PCDHA6: variants seen among roughly 807,000 people sequenced by gnomAD.
PCDHA6 encodes the protein protocadherin alpha 6.
Under a neutral mutation model 60.3 loss-of-function variants are expected in PCDHA6, and 55 were observed. The ratio of observed to expected loss-of-function variants is 0.91; its 90% confidence interval spans 0.73 to 1.14. The LOEUF is 1.14. Among genes scored for constraint, PCDHA6 ranks in the 50% most tolerant of loss-of-function variants. The pLI is 0.00. For missense variants in PCDHA6, 1,327 were observed against 1,256.5 expected (o/e 1.06, Z -0.85); for synonymous variants, 652 against 557.9 (o/e 1.17, Z -2.38).
In PCDHA6 at chr5:140,856,944, G is replaced by C. The variant is rs1424566635; in HGVS notation, c.2394+26459G>C. Reference sequence around the variant, plus strand: ...AAATTTTGGATAAACGAAAGGACGGGAGAAATAAAAGTAAATGATGCTATT... The same window carrying C: ...AAATTTTGGATAAACGAAAGGACGGCAGAAATAAAAGTAAATGATGCTATT... On this transcript the variant is annotated intron_variant, in intron 1 of 3. Transcript: ENST00000529310. 8.8e-6 allele frequency: 14 copies of C among 1,593,558 alleles called. 1 individual carries two copies. The highest frequency in any genetic ancestry group is 1.3e-5 in the African/African-American group (1 of 74,212).
At chr5:140,922,858 G>C (rs1363202579) in intron 1 of PCDHA6, among the ~76,000 whole-genome samples, 1 of 152,124 alleles carries the variant, frequency 6.6e-6, no homozygotes, top group Non-Finnish European at 1.5e-5. Flanking sequence ...CAAATACATA[G>C]ACAAGGGGAA....
chr5:140,946,611 A>AATATATATATATATATATATATAT (rs1554217734), intron 1 of PCDHA6, among the ~76,000 whole-genome samples: 1,222 of 86,096 alleles, frequency 0.014, 42 homozygotes, highest in African/African-American at 0.029. Context: ...GAAAATGTGA[A>AATATATATATATATATATATATAT]ATATATATAT....
intron 1 of PCDHA6, chr5:140,842,710 C>A: frequency 1.3e-6 from 2 of 1,595,124 alleles, no homozygotes; most frequent in Non-Finnish European, 1.7e-6. Context: ...ACACGGTGTT[C>A]GTGAAGGAGA....
At chr5:140,959,826 T>C (rs2095512884) in intron 1 of PCDHA6, among the ~76,000 whole-genome samples, 1 of 152,224 alleles carries the variant, frequency 6.6e-6, no homozygotes, top group Non-Finnish European at 1.5e-5. Flanking sequence ...CACATGATAA[T>C]GTATTATGCC....
intron 1 of PCDHA6, chr5:140,862,228 T>C (rs1247109904): frequency 9.6e-6 from 2 of 209,024 alleles, no homozygotes; most frequent in Non-Finnish European, 1.9e-5. Flanking sequence ...ATAGAAGTCT[T>C]GGACATCAAT....
At chr5:140,971,977 G>A (rs891260348) in intron 1 of PCDHA6, among the ~76,000 whole-genome samples, 1 of 152,022 alleles carries the variant, frequency 6.6e-6, no homozygotes, top group Non-Finnish European at 1.5e-5. Context: ...AATACTATGA[G>A]TAGACAGAAG....
At chr5:140,863,181 C>T (rs782813569) in intron 1 of PCDHA6, 5 of 753,966 alleles carry the variant, frequency 6.6e-6, no homozygotes, top group Non-Finnish European at 1.1e-5. Flanking sequence ...CTGCCACCGT[C>T]ACCGTGGTGG....
intron 1 of PCDHA6, chr5:140,968,891 A>G (rs782512271): frequency 1.5e-5 from 24 of 1,614,060 alleles, no homozygotes; most frequent in South Asian, 1.1e-4. Context: ...CCTTTATCTA[A>G]TAATAGCATT....
intron 1 of PCDHA6, among the ~76,000 whole-genome samples, chr5:140,855,631 C>T (rs1193422916): frequency 1.3e-5 from 2 of 149,640 alleles, no homozygotes; most frequent in African/African-American, 4.9e-5. Flanking sequence ...TGAAATTCGG[C>T]TATTGATAAT....
intron 1 of PCDHA6, chr5:140,882,642 A>C (rs2153386129): frequency 6.2e-7 from 1 of 1,614,224 alleles, no homozygotes; most frequent in East Asian, 2.2e-5. Flanking sequence ...AAGGTGAGGG[A>C]CATTAACGAC....
At chr5:140,966,973 G>A (rs782189736) in intron 1 of PCDHA6, 9 of 1,602,936 alleles carry the variant, frequency 5.6e-6, no homozygotes, top group African/African-American at 4.0e-5. Flanking sequence ...GGCTTGAGCT[G>A]CGGCGCTTGG....
intron 1 of PCDHA6, chr5:140,926,948 C>A: frequency 1.3e-6 from 2 of 1,589,774 alleles, no homozygotes; most frequent in South Asian, 1.1e-5. Flanking sequence ...GGCGCTGCAG[C>A]GGGACAGCTC....
At chr5:140,988,014 A>G (rs782358781) in intron 3 of PCDHA6, among the ~76,000 whole-genome samples, 4 of 152,242 alleles carry the variant, frequency 2.6e-5, no homozygotes, top group African/African-American at 7.2e-5. Context: ...GAAAGAAAGC[A>G]TGATTCTTAA....
chr5:140,927,159 C>T (rs782468229), intron 1 of PCDHA6: 2 of 1,614,164 alleles, frequency 1.2e-6, no homozygotes, highest in South Asian at 2.2e-5. Context: ...TGTGCAGGGC[C>T]AAAGCTGCCT....
At chr5:140,995,515 C>T (rs1476035141) in intron 3 of PCDHA6, among the ~76,000 whole-genome samples, 2 of 152,078 alleles carry the variant, frequency 1.3e-5, no homozygotes, top group East Asian at 1.9e-4. Context: ...TAACTGAAGC[C>T]TCAGAAATCA....
intron 1 of PCDHA6, chr5:140,863,962 C>T (rs1378381215): frequency 6.4e-6 from 1 of 155,852 alleles, no homozygotes; most frequent in Non-Finnish European, 1.4e-5. Context: ...GATTAGGCCA[C>T]TGCACTACAG....
chr5:140,858,160 G>A, intron 1 of PCDHA6: 1 of 1,597,718 alleles, frequency 6.3e-7, no homozygotes, highest in Non-Finnish European at 8.6e-7. Flanking sequence ...CCATCTGCGC[G>A]GTGTCCAGCT....
In PCDHA6 at chr5:140,828,686, T is replaced by C. The variant is rs184176193; in HGVS notation, c.595T>C (p.Ser199Pro). 17 of 1,614,164 alleles carry C rather than the reference T, an allele frequency of 1.1e-5. No homozygotes were observed. Among genetic ancestry groups the C allele is most frequent in the Admixed American group, 3.3e-5 (2 of 60,022 alleles). The change falls in exon 1 of 4, where the codon TCC (serine) becomes CCC (proline). Residue 199 changes from serine to proline, a missense_variant. By Grantham distance (74) the Ser-to-Pro change is moderately conservative. Transcript: ENST00000529310. ...ACAAATTGGGCTCTTATTAAAGAAA[T>C]CCTTGGACAGAGAGGAAGCTCCTGC... Reference protein sequence around the residue: ...NKQIGLLLKKSLDREEAPAHN... With the variant: ...NKQIGLLLKKPLDREEAPAHN...
In PCDHA6 at chr5:140,982,208, G is replaced by A. The variant is rs146224628; in HGVS notation, c.2454-267G>A. 246 of 434,966 alleles carry A rather than the reference G, an allele frequency of 5.7e-4. 1 individual carries two copies. The highest frequency in any genetic ancestry group is 7.4e-4 in the Non-Finnish European group (200 of 268,658). 26.9% of individuals were successfully genotyped at this position (434,966 alleles called of 1,614,324 possible). ...GGGCTTCCTGTTAGATTTAGTGAGC[G>A]CCACATGGCGTTAATAAAAAACAGA... On this transcript the variant is annotated intron_variant, in intron 2 of 3. Coordinates refer to ENST00000529310, the MANE Select transcript of PCDHA6 (RefSeq NM_018909.4).
Sources: gnomAD v4.1 joint callset for allele counts (sites outside exome capture counted in the v4.1 genomes callset) on GRCh38, gnomAD v4.1.1 for gene constraint, MANE v1.5 for transcripts, NCBI Gene and HGNC (gene_info 2026-07-23, HGNC 2026-07-21) for gene names.